RELL1: variants seen among roughly 807,000 people sequenced by gnomAD.
RELL1 encodes the protein RELT like 1, also known as RELT-like protein 1.
RELL1 carries 10 observed loss-of-function variants against 23.0 expected under a neutral mutation model. That is an observed-to-expected ratio of 0.43 (90% confidence interval 0.27 to 0.74). RELL1 has a LOEUF of 0.74. Among genes scored for constraint, RELL1 ranks in the 30% least tolerant of loss-of-function variants. The pLI, the probability that RELL1 is intolerant of heterozygous loss-of-function variation, is 0.19. For synonymous variants in RELL1, 146 were observed against 146.8 expected, an observed-to-expected ratio of 0.99 and a Z score of 0.04; for missense variants, 315 against 364.4, an observed-to-expected ratio of 0.86 and a Z score of 1.10.
At chr4:37,589,939 C>A, downstream of RELL1, 1 of 733,734 alleles carries the variant, frequency 1.4e-6, no homozygotes. Context: ...TTTATACCAA[C>A]TATATCTATT....
At chr4:37,597,723 AC>A (rs1456776345) in intron 6 of RELL1, among the ~76,000 whole-genome samples, 1 of 152,208 alleles carries the variant, frequency 6.6e-6, no homozygotes, top group East Asian at 1.9e-4. Context: ...AAGCCGGGTG[AC>A]AAACCATCAA....
rs896648539 is a variant in RELL1 at position 37,631,320 on chromosome 4, G to A, written c.*3+65C>T. 7.9e-6 allele frequency: 12 copies of A among 1,509,570 alleles called. No homozygotes were observed. The Admixed American group carries it at 8.4e-5, about 11-fold the overall frequency. 93.5% of individuals were successfully genotyped at this position (1,509,570 alleles called of 1,614,324 possible). On this transcript the variant is annotated intron_variant, in intron 6 of 6. Coordinates refer to ENST00000454158, the MANE Select transcript of RELL1 (RefSeq NM_001085400.2). ...CCTATGCTGCCACAGCACCTGGGAG[G>A]CTCCAAGTACCTTCTCCTCACCCTG...
At chr4:37,605,846 G>GAAAGAAGGAAAA (rs1560324808), downstream of RELL1, among the ~76,000 whole-genome samples, 2 of 101,512 alleles carry the variant, frequency 2.0e-5, no homozygotes, top group Admixed American at 2.2e-4. Flanking sequence ...AAAGAAAGAA[G>GAAAGAAGGAAAA]GAAAAGAAAA....
intron 3 of RELL1, among the ~76,000 whole-genome samples, chr4:37,640,039 C>T (rs1381503499): frequency 6.6e-6 from 1 of 152,132 alleles, no homozygotes; most frequent in Non-Finnish European, 1.5e-5. Flanking sequence ...ATGTACTATA[C>T]ACATATCTGT....
chr4:37,648,250 G>T (rs1245724805), intron 2 of RELL1, among the ~76,000 whole-genome samples: 1 of 152,224 alleles, frequency 6.6e-6, no homozygotes, highest in Non-Finnish European at 1.5e-5. Flanking sequence ...AGGAGGAGAG[G>T]GGGAGGCTCC....
chr4:37,661,550 G>C (rs906831004), intron 1 of RELL1, among the ~76,000 whole-genome samples: 3 of 152,138 alleles, frequency 2.0e-5, no homozygotes, highest in African/African-American at 7.2e-5. Context: ...AAAGTGCTAG[G>C]ATTACAGGCG....
rs753238829 is a variant in RELL1 at position 37,634,948 on chromosome 4, T to C, written c.619A>G (p.Asn207Asp). 6.2e-7 allele frequency: 1 copy of C among 1,614,254 alleles called. No homozygotes were observed. The highest frequency in any genetic ancestry group is 1.7e-5 in the Admixed American group (1 of 60,028). ...HKRWHFIKPT[N>D]KSRESRPRRQ... is the part of the protein sequence containing the mutation. The stretch of plus-strand genomic sequence containing the variant: ...CGTGGTCTGCTCTCTCTGGACTTGT[T>C]AGTGGGCTTTATAAAGTGCCACCGC... The change falls in exon 5 of 7, where the codon AAC (asparagine) becomes GAC (aspartate). Residue 207 changes from asparagine (N) to aspartate (D), a missense_variant. By Grantham distance (23) the Asn-to-Asp change is conservative (BLOSUM62 1). Transcript: ENST00000454158.
downstream of RELL1, chr4:37,590,333 A>T (rs143231920): frequency 1.1e-4 from 174 of 1,613,576 alleles, 1 homozygote; most frequent in African/African-American, 2.1e-3. Flanking sequence ...GGAGGGGAAC[A>T]CCATGCCTGC....
chr4:37,642,903 G>A (rs1390747132), intron 3 of RELL1, among the ~76,000 whole-genome samples: 1 of 152,252 alleles, frequency 6.6e-6, no homozygotes, highest in East Asian at 1.9e-4. Context: ...GGCGCACCCA[G>A]AGAGGGCAGG....
intron 1 of RELL1, among the ~76,000 whole-genome samples, chr4:37,659,167 CA>C (rs1274956479): frequency 6.6e-6 from 1 of 152,170 alleles, no homozygotes; most frequent in African/African-American, 2.4e-5. Context: ...AAAAAATGTC[CA>C]ACACAAAGGC....
intron 4 of RELL1, 98 bp from the exon 5 acceptor site, chr4:37,635,221 A>AG (rs1333112304): frequency 1.5e-5 from 15 of 982,568 alleles, no homozygotes; most frequent in Non-Finnish European, 2.2e-5. Flanking sequence ...TTAAATTGAA[A>AG]GAAAAAAAAA....
intron 1 of RELL1, among the ~76,000 whole-genome samples, chr4:37,678,761 A>G (rs1033323074): frequency 2.6e-5 from 4 of 152,242 alleles, no homozygotes; most frequent in African/African-American, 9.6e-5. Context: ...CATAACTGAC[A>G]CAACAATGCT....
chr4:37,668,969 C>T (rs1458431071), intron 1 of RELL1, among the ~76,000 whole-genome samples: 3 of 150,306 alleles, frequency 2.0e-5, no homozygotes, highest in Non-Finnish European at 4.4e-5. Context: ...GTGAGGAGCC[C>T]CTCTGCCCGG....
At chr4:37,589,632 G>A (rs1303351320), downstream of RELL1, among the ~76,000 whole-genome samples, 1 of 152,056 alleles carries the variant, frequency 6.6e-6, no homozygotes, top group Non-Finnish European at 1.5e-5. Context: ...ATTTCAGGCA[G>A]AACCTTGTTT....
chr4:37,614,474 C>A (rs1238407160), intron 6 of RELL1, among the ~76,000 whole-genome samples: 2 of 152,254 alleles, frequency 1.3e-5, no homozygotes, highest in South Asian at 2.1e-4. Flanking sequence ...CAGCATGGAT[C>A]AAGTTTTTAA....
intron 6 of RELL1, among the ~76,000 whole-genome samples, chr4:37,595,220 GT>G (rs1199608421): frequency 6.6e-6 from 1 of 152,108 alleles, no homozygotes; most frequent in Non-Finnish European, 1.5e-5. Context: ...AAATTTGTAA[GT>G]TTCTCATATG....
intron 1 of RELL1, among the ~76,000 whole-genome samples, chr4:37,668,658 C>T (rs1721633100): frequency 6.6e-6 from 1 of 151,696 alleles, no homozygotes; most frequent in East Asian, 2.0e-4. Context: ...AAGTGAGGAG[C>T]GTCTCTGCCT....
At position 37,675,932 on chromosome 4, in the gene RELL1, C is replaced by G. The variant is rs74506159; in HGVS notation, c.88+10268G>C. Among the ~76,000 whole-genome samples, 804 of 152,340 alleles carry G rather than the reference C, an allele frequency of 5.3e-3. 10 individuals carry two copies. The highest frequency in any genetic ancestry group is 0.019 in the African/African-American group (771 of 41,578). ...GGGCTCAGAGATCTGTTTTAACCAGCCTTCCAGCTGGACTTCTGAACACTC... is the reference window on the plus strand; with the variant it reads ...GGGCTCAGAGATCTGTTTTAACCAGGCTTCCAGCTGGACTTCTGAACACTC... On this transcript the variant is annotated intron_variant, in intron 1 of 6. Coordinates refer to ENST00000454158, the MANE Select transcript of RELL1 (RefSeq NM_001085400.2).
chr4:37,622,798 G>GTTTTTTT lies in RELL1; in HGVS notation c.*3+8586_*3+8587insAAAAAAA, dbSNP rs771576367. 4.3e-5 allele frequency: 18 copies of GTTTTTTT among 418,318 alleles called. 1 individual carries two copies. The highest frequency in any genetic ancestry group is 1.0e-4 in the Admixed American group (4 of 38,240). The allele number at this position is 418,318 out of a possible 1,614,324, so 25.9% of individuals were successfully genotyped here. On this transcript the variant is annotated intron_variant, in intron 6 of 6. Coordinates refer to ENST00000454158, the MANE Select transcript of RELL1 (RefSeq NM_001085400.2). ...GGCACATAGTAGGGTCTCAAGTAAT[G>GTTTTTTT]CTTTTTTTTTTTTTTTTTTTTCTGA...
Sources: gnomAD v4.1 joint callset for allele counts (sites outside exome capture counted in the v4.1 genomes callset) on GRCh38, gnomAD v4.1.1 for gene constraint, MANE v1.5 for transcripts, NCBI Gene and HGNC (gene_info 2026-07-23, HGNC 2026-07-21) for gene names.